ZNF273: variants seen among roughly 807,000 people sequenced by gnomAD.
ZNF273 encodes zinc finger protein 9.
Under a neutral mutation model 14.9 loss-of-function variants are expected in ZNF273, and 11 were observed. That is an observed-to-expected ratio of 0.74 (90% CI 0.46 to 1.22). The LOEUF (loss-of-function observed/expected upper bound fraction) is 1.22, where lower values mean the gene tolerates loss of function less well. ZNF273 is among the 50% of genes most tolerant of loss of function. The probability of loss-of-function intolerance (pLI) is 0.00; values close to 1 mark genes in which losing one functional copy is unlikely to be tolerated. For synonymous variants in ZNF273, 199 were observed against 223.9 expected, an observed-to-expected ratio of 0.89 and a Z score of 0.99; for missense variants, 577 against 660.6, an observed-to-expected ratio of 0.87 and a Z score of 1.39.
At chr7:64,903,053 C>G (rs1792829535), upstream of ZNF273, among the ~76,000 whole-genome samples, 1 of 152,194 alleles carries the variant, frequency 6.6e-6, no homozygotes, top group African/African-American at 2.4e-5. Flanking sequence ...CGTGGGTGGG[C>G]CGGGCTCAGT....
downstream of ZNF273, among the ~76,000 whole-genome samples, chr7:64,932,463 C>T (rs959782635): frequency 2.6e-5 from 4 of 152,130 alleles, no homozygotes; most frequent in Admixed American, 2.0e-4. Flanking sequence ...TGTGCCACCA[C>T]GCCTGGCTAA....
chr7:64,887,684 G>C (rs999554246), intron 1 of ZNF273, among the ~76,000 whole-genome samples: 2 of 149,770 alleles, frequency 1.3e-5, no homozygotes, highest in African/African-American at 4.9e-5. Flanking sequence ...ATTTTTAGTA[G>C]AGACAAGGTT....
intron 1 of ZNF273, among the ~76,000 whole-genome samples, chr7:64,916,273 T>C (rs1379241901): frequency 6.7e-6 from 1 of 149,954 alleles, no homozygotes; most frequent in Non-Finnish European, 1.5e-5. Flanking sequence ...GGCACGTCGC[T>C]CACGCCTGTA....
At chr7:64,910,225 A>T (rs1793391762) in intron 1 of ZNF273, among the ~76,000 whole-genome samples, 1 of 151,836 alleles carries the variant, frequency 6.6e-6, no homozygotes, top group Admixed American at 6.6e-5. Flanking sequence ...TGCTTTTGGT[A>T]TCCTCAACAT....
Position 64,928,989 on chromosome 7 carries a change from C to A in ZNF273, c.1661C>A (p.Thr554Asn). The A allele has an allele frequency of 6.3e-7, 1 of 1,579,322 alleles. No homozygotes were observed. Among genetic ancestry groups the A allele is most frequent in the East Asian group, 2.2e-5 (1 of 44,652 alleles). ...AGATGTGACAGTGCTTTTGACAACA[C>A]CCCAAACTTTTCTAGACATAAAAGA... Reference protein sequence around the residue: ...PKRCDSAFDNTPNFSRHKRNH... With the variant: ...PKRCDSAFDNNPNFSRHKRNH... Residue 554 changes from threonine to asparagine, a missense_variant, in exon 4 of 4, where the codon ACC (threonine) becomes AAC (asparagine). Thr to Asn is a moderately conservative substitution (Grantham distance 65). This residue lies in a region of ZNF273 where 411 missense variants were observed against 440.4 expected (regional missense o/e 0.93). Transcript: ENST00000476120.
intron 1 of ZNF273, among the ~76,000 whole-genome samples, chr7:64,886,028 G>C (rs1791555487): frequency 6.6e-6 from 1 of 152,228 alleles, no homozygotes; most frequent in African/African-American, 2.4e-5. Flanking sequence ...CAGAAAGGTA[G>C]CTACTGTGAT....
chr7:64,915,006 A>G (rs900796565), intron 1 of ZNF273, among the ~76,000 whole-genome samples: 3 of 128,642 alleles, frequency 2.3e-5, no homozygotes, highest in African/African-American at 8.8e-5. Context: ...TGCGTTTAGT[A>G]CTTGTAAACC....
At chr7:64,912,826 G>GTTTTGTTTTTTGTTTTT (rs746174998) in intron 1 of ZNF273, among the ~76,000 whole-genome samples, 1 of 36,568 alleles carries the variant, frequency 2.7e-5, no homozygotes, top group Non-Finnish European at 5.7e-5. Flanking sequence ...ATTCATTTTA[G>GTTTTGTTTTTTGTTTTT]TTTTTTTTTT....
Position 64,928,618 on chromosome 7 carries a change from C to G in ZNF273, c.1290C>G (p.Tyr430Ter). 2 of 1,613,310 alleles carry G rather than the reference C, an allele frequency of 1.2e-6. No homozygotes were observed. Among genetic ancestry groups the G allele is most frequent in the Middle Eastern group, 1.7e-4 (1 of 6,052 alleles). Residue 430 changes from tyrosine to a stop codon, truncating the protein, a stop_gained, in exon 4 of 4, where the codon TAC becomes TAG. Coordinates refer to ENST00000476120, the MANE Select transcript of ZNF273 (RefSeq NM_021148.3). LOFTEE classifies it low-confidence loss of function (END_TRUNC). ...HKRIYTKEKP[Y>*]KCEECGKAFS... The stretch of plus-strand genomic sequence containing the variant: ...GAATTTATACTAAAGAGAAACCATA[C>G]AAATGTGAAGAATGTGGAAAAGCCT...
intron 3 of ZNF273, among the ~76,000 whole-genome samples, chr7:64,921,605 CTTTTTTTTTTTT>C (rs752363426): frequency 5.9e-4 from 34 of 57,920 alleles, no homozygotes; most frequent in Non-Finnish European, 7.3e-4. Context: ...CATGCTAATG[CTTTTTTTTTTTT>C]TTTTTTTTTT....
chr7:64,880,297 C>T (rs539928908), downstream of ZNF273: 1 of 152,354 alleles, frequency 6.6e-6, no homozygotes, highest in Admixed American at 6.5e-5. Flanking sequence ...CGGCAGGATG[C>T]TTCAGGCATG....
intron 1 of ZNF273, among the ~76,000 whole-genome samples, chr7:64,908,419 G>A (rs926377609): frequency 6.6e-6 from 1 of 152,042 alleles, no homozygotes; most frequent in Non-Finnish European, 1.5e-5. Context: ...CCCTCAACTT[G>A]GCCTCTGTGT....
At chr7:64,907,979 A>G (rs1442250286) in intron 1 of ZNF273, among the ~76,000 whole-genome samples, 2 of 152,214 alleles carry the variant, frequency 1.3e-5, no homozygotes, top group Non-Finnish European at 2.9e-5. Flanking sequence ...TCCCAGGACT[A>G]GGAACCACCC....
In ZNF273 at chr7:64,929,080, C is replaced by T; in HGVS notation, c.*42C>T. On this transcript the variant is annotated 3_prime_UTR_variant, in exon 4 of 4. Coordinates refer to ENST00000476120, the MANE Select transcript of ZNF273 (RefSeq NM_021148.3). ...ACAAAGCCTTTAAGCGGTTGTCACA[C>T]TTGATTGTATATAAGATAATTCATA... 1 of 1,101,236 alleles carries T rather than the reference C, an allele frequency of 9.1e-7. No homozygotes were observed. The highest frequency in any genetic ancestry group is 1.1e-6 in the Non-Finnish European group (1 of 899,432). 68.2% of individuals were successfully genotyped at this position (1,101,236 alleles called of 1,614,324 possible). A position where few individuals can be genotyped will look rare whatever the true frequency, so the allele number is the denominator to read the frequency against.
intron 1 of ZNF273, among the ~76,000 whole-genome samples, chr7:64,886,870 A>G (rs1791613369): frequency 6.6e-6 from 1 of 152,226 alleles, no homozygotes; most frequent in Admixed American, 6.5e-5. Flanking sequence ...AAAATGGAAA[A>G]CATACATCAT....
chr7:64,913,720 GCATTGACGAGGA>G (rs1793736209), intron 1 of ZNF273, among the ~76,000 whole-genome samples: 1 of 152,206 alleles, frequency 6.6e-6, no homozygotes, highest in Non-Finnish European at 1.5e-5. Context: ...AGCAACATCA[GCATTGACGAGGA>G]CTTGTTTAAA....
chr7:64,900,552 C>G (rs1390084771), upstream of ZNF273, among the ~76,000 whole-genome samples: 1 of 152,186 alleles, frequency 6.6e-6, no homozygotes, highest in Non-Finnish European at 1.5e-5. Flanking sequence ...AGCAGCTAGC[C>G]AGGTGTGTTC....
chr7:64,910,202 C>A (rs1234203691), intron 1 of ZNF273, among the ~76,000 whole-genome samples: 15 of 151,772 alleles, frequency 9.9e-5, no homozygotes, highest in Admixed American at 7.2e-4. Context: ...TCCATTTCTG[C>A]TTTTGTTGCA....
At chr7:64,933,765 A>T (rs539383908), downstream of ZNF273, 1 of 152,324 alleles carries the variant, frequency 6.6e-6, no homozygotes, top group South Asian at 2.1e-4. Flanking sequence ...TTTTGATGTG[A>T]CATAAAATGC....
Sources: allele counts gnomAD v4.1 joint callset (sites outside exome capture counted in the v4.1 genomes callset), GRCh38; gene constraint gnomAD v4.1.1; regional missense constraint gnomAD v4.1.1; transcripts MANE v1.5; gene names NCBI Gene and HGNC (gene_info 2026-07-23, HGNC 2026-07-21).